The following AMPH variants were observed in gnomAD, a reference collection of about 807,000 sequenced individuals.
The protein encoded by AMPH is amphiphysin (Stiff-Mann syndrome with breast cancer 128kD autoantigen).
AMPH carries 49 observed loss-of-function variants against 99.1 expected under a neutral mutation model. That is an observed-to-expected ratio of 0.49 (90% CI 0.39 to 0.63). The LOEUF (loss-of-function observed/expected upper bound fraction) is 0.63. Ranked by LOEUF, AMPH falls within the 20% of genes least tolerant of loss-of-function variation. The pLI is 0.00. For synonymous variants in AMPH, 314 were observed against 317.3 expected (o/e 0.99, Z 0.11); for missense variants, 759 against 863.4 (o/e 0.88, Z 1.52).
At chr7:38,483,392 A>G (rs1788366369) in intron 5 of AMPH, among the ~76,000 whole-genome samples, 2 of 152,098 alleles carry the variant, frequency 1.3e-5, no homozygotes, top group African/African-American at 4.8e-5. Flanking sequence ...CCCTCCCCTC[A>G]ACTGAGGGAT....
chr7:38,397,419 C>T (rs1784701927), intron 17 of AMPH, among the ~76,000 whole-genome samples: 1 of 152,192 alleles, frequency 6.6e-6, no homozygotes, highest in Admixed American at 6.5e-5. Flanking sequence ...TTTACCATCA[C>T]TAAATATACA....
chr7:38,475,813 G>A (rs369458020), intron 6 of AMPH, among the ~76,000 whole-genome samples: 7 of 152,322 alleles, frequency 4.6e-5, no homozygotes, highest in Admixed American at 3.3e-4. Flanking sequence ...TATAGAGCAT[G>A]CTATATGGAA....
Position 38,476,985 on chromosome 7 carries a change from G to T in AMPH, c.397-16C>A. 6.2e-7 allele frequency: 1 copy of T among 1,608,768 alleles called. No individual in the cohort carries two copies. The highest frequency in any genetic ancestry group is 8.5e-7 in the Non-Finnish European group (1 of 1,175,440). On this transcript the variant is annotated splice_polypyrimidine_tract_variant and intron_variant, in intron 5 of 20. Transcript: ENST00000356264. ...CGATGCGATTCTGTCAACAGGAAAT[G>T]CACTCACTAAGAAAGAAGCATGGAC...
chr7:38,455,785 C>A (rs540157723), intron 11 of AMPH, among the ~76,000 whole-genome samples: 1 of 152,220 alleles, frequency 6.6e-6, no homozygotes, highest in Non-Finnish European at 1.5e-5. Flanking sequence ...GCAACCATGT[C>A]CTGAGTGGCT....
intron 1 of AMPH, among the ~76,000 whole-genome samples, chr7:38,576,113 C>T (rs1792232112): frequency 6.6e-6 from 1 of 152,180 alleles, no homozygotes; most frequent in African/African-American, 2.4e-5. Flanking sequence ...TATGTAAGAT[C>T]ACAGGACATA....
At chr7:38,463,206 A>G (rs1376683114) in intron 9 of AMPH, 93 bp from the exon 10 acceptor site, 1 of 1,549,530 alleles carries the variant, frequency 6.5e-7, no homozygotes, top group South Asian at 1.1e-5. Flanking sequence ...CCAGAAGCCT[A>G]ACAGGTACTG....
intron 3 of AMPH, among the ~76,000 whole-genome samples, chr7:38,499,602 C>T (rs1486559172): frequency 2.0e-5 from 3 of 152,114 alleles, no homozygotes; most frequent in South Asian, 2.1e-4. Flanking sequence ...CCTATGCTGC[C>T]CTGATGCTAC....
At chr7:38,395,358 T>C (rs76762839) in intron 17 of AMPH, among the ~76,000 whole-genome samples, 8,838 of 152,258 alleles carry the variant, frequency 0.058, 357 homozygotes, top group East Asian at 0.19. Context: ...GCCAAAATCA[T>C]AGTTTAGGTC....
At chr7:38,428,950 T>G (rs1215850706) in intron 14 of AMPH, 1 of 1,194,156 alleles carries the variant, frequency 8.4e-7, no homozygotes, top group African/African-American at 1.6e-5. Flanking sequence ...TCCTTTCCTA[T>G]GGTATTAAGA....
rs182509308 is a variant in AMPH at position 38,469,767 on chromosome 7, C to A, written c.591-3519G>T. ...CTAACACTAACACAGTAGATCTCAACAACCCTATGACTATCCAGCCAAAAC... is the reference window on the plus strand; with the variant it reads ...CTAACACTAACACAGTAGATCTCAAAAACCCTATGACTATCCAGCCAAAAC... On this transcript the variant is annotated intron_variant, in intron 7 of 20. Coordinates refer to ENST00000356264, the MANE Select transcript of AMPH (RefSeq NM_001635.4). Among the ~76,000 whole-genome samples, 24 of 152,260 alleles carry A rather than the reference C, an allele frequency of 1.6e-4. No homozygotes were observed. The East Asian group carries it at 3.7e-3, about 23-fold the overall frequency.
At position 38,494,669 on chromosome 7, in the gene AMPH, G is replaced by A. The variant is rs878889679; in HGVS notation, c.206-142C>T. 3.9e-5 allele frequency: 26 copies of A among 661,810 alleles called. No homozygotes were observed. The South Asian group carries it at 4.2e-4, about 11-fold the overall frequency. The allele number at this position is 661,810 out of a possible 1,614,324, so 41.0% of individuals were successfully genotyped here. On this transcript the variant is annotated intron_variant, in intron 3 of 20. Transcript: ENST00000356264. ...AACTATAAAGGCACAACTGCTGCTT[G>A]TATCTGCTGTTGTATCTTTCTTTGA...
At chr7:38,488,983 G>GGT (rs1554345933) in intron 5 of AMPH, among the ~76,000 whole-genome samples, 2 of 149,136 alleles carry the variant, frequency 1.3e-5, no homozygotes, top group East Asian at 4.3e-4. Context: ...TTAACAGAAA[G>GGT]TTTTTTTTAA....
intron 12 of AMPH, among the ~76,000 whole-genome samples, chr7:38,433,980 T>C (rs1022944956): frequency 5.3e-5 from 8 of 152,036 alleles, no homozygotes; most frequent in African/African-American, 1.4e-4. Context: ...GGAGGTCATT[T>C]TGAGTGAAGA....
At chr7:38,430,024 TG>T (rs1290465134) in intron 13 of AMPH, 159 bp from the exon 14 acceptor site, 3 of 656,794 alleles carry the variant, frequency 4.6e-6, no homozygotes, top group Non-Finnish European at 7.3e-6. Context: ...GAATGATTTT[TG>T]TTCCAAAATT....
chr7:38,402,204 C>A (rs1162779612), intron 17 of AMPH, among the ~76,000 whole-genome samples: 1 of 152,106 alleles, frequency 6.6e-6, no homozygotes, highest in African/African-American at 2.4e-5. Context: ...GTTGCCTTAT[C>A]ATCTCACCCT....
At chr7:38,501,509 A>G (rs981754077) in intron 3 of AMPH, among the ~76,000 whole-genome samples, 1 of 152,200 alleles carries the variant, frequency 6.6e-6, no homozygotes, top group Non-Finnish European at 1.5e-5. Flanking sequence ...TCTTATCTAT[A>G]AAATGAAGAT....
chr7:38,482,699 T>C (rs1386260866), intron 5 of AMPH, among the ~76,000 whole-genome samples: 2 of 152,136 alleles, frequency 1.3e-5, no homozygotes, highest in East Asian at 1.9e-4. Flanking sequence ...ACAGCCTTTA[T>C]TTGCTTAGCT....
rs869172352 is a variant in AMPH at position 38,469,153 on chromosome 7, CAAAAAAAAAAAAAAAAA to C, written c.591-2922_591-2906del. 4.5e-4 allele frequency among the ~76,000 whole-genome samples: 13 copies of C among 28,880 alleles called. No homozygotes were observed. The South Asian group carries it at 9.9e-3, about 22-fold the overall frequency. 18.9% of individuals were successfully genotyped at this position (28,880 alleles called of 152,430 possible). A position where few individuals can be genotyped will look rare whatever the true frequency, so the allele number is the denominator to read the frequency against. On this transcript the variant is annotated intron_variant, in intron 7 of 20. Coordinates refer to ENST00000356264, the MANE Select transcript of AMPH (RefSeq NM_001635.4). ...TGGGCGACAGAGCGAGACTCCGCCT[CAAAAAAAAAAAAAAAAA>C]AAAAAAAAAAAAAAAAAAGAACATA...
chr7:38,443,255 A>G (rs1263167785), intron 11 of AMPH, among the ~76,000 whole-genome samples: 6 of 152,036 alleles, frequency 3.9e-5, no homozygotes, highest in African/African-American at 1.2e-4. Flanking sequence ...AACAAAACAG[A>G]GCCCAGATGA....
Sources: gnomAD v4.1 joint callset for allele counts (sites outside exome capture counted in the v4.1 genomes callset) on GRCh38, gnomAD v4.1.1 for gene constraint, MANE v1.5 for transcripts, NCBI Gene and HGNC (gene_info 2026-07-23, HGNC 2026-07-21) for gene names.